GPC5: variants seen among roughly 807,000 people sequenced by gnomAD.
GPC5 encodes the protein glypican-5.
A neutral mutation model predicts 53.9 loss-of-function variants in GPC5; 47 were observed. The observed-to-expected ratio is 0.87, with a 90% CI of 0.69 to 1.11. GPC5 has a LOEUF of 1.11. Among genes scored for constraint, GPC5 ranks in the 50% most tolerant of loss-of-function variants. The probability of loss-of-function intolerance (pLI) is 0.00; values close to 1 mark genes in which losing one functional copy is unlikely to be tolerated. For synonymous variants in GPC5, 286 were observed against 263.3 expected (o/e 1.09, Z -0.84); for missense variants, 748 against 713.1 (o/e 1.05, Z -0.56).
intron 2 of GPC5, among the ~76,000 whole-genome samples, chr13:91,638,589 C>G (rs2034341613): frequency 6.6e-6 from 1 of 152,158 alleles, no homozygotes; most frequent in Admixed American, 6.6e-5. Flanking sequence ...TGGTCTCGAA[C>G]TCCTGACCTC....
chr13:92,619,422 G>A (rs931066705), intron 7 of GPC5, among the ~76,000 whole-genome samples: 7 of 151,802 alleles, frequency 4.6e-5, no homozygotes, highest in South Asian at 2.1e-4. Flanking sequence ...GAAGTAACTC[G>A]CCAATTATTC....
At chr13:92,294,228 C>T (rs2043017872) in intron 7 of GPC5, among the ~76,000 whole-genome samples, 1 of 152,010 alleles carries the variant, frequency 6.6e-6, no homozygotes, top group Non-Finnish European at 1.5e-5. Context: ...GGGAGGGGTC[C>T]CTCTTTCTTT....
intron 1 of GPC5, among the ~76,000 whole-genome samples, chr13:91,430,506 C>A (rs1340023574): frequency 6.6e-6 from 1 of 152,080 alleles, no homozygotes; most frequent in Non-Finnish European, 1.5e-5. Context: ...ATTAAGGATA[C>A]TTTCTCTTCT....
chr13:92,295,877 G>A (rs889387169), intron 7 of GPC5, among the ~76,000 whole-genome samples: 1 of 152,066 alleles, frequency 6.6e-6, no homozygotes, highest in Non-Finnish European at 1.5e-5. Context: ...TCTCTTGAAC[G>A]CAGCAGATGG....
chr13:91,616,060 A>G (rs1566555387), intron 2 of GPC5, among the ~76,000 whole-genome samples: 1 of 152,174 alleles, frequency 6.6e-6, no homozygotes, highest in Non-Finnish European at 1.5e-5. Context: ...GTGAAAACAA[A>G]AAAAAGCATT....
chr13:91,824,858 A>G (rs2038551563), intron 5 of GPC5, among the ~76,000 whole-genome samples: 1 of 152,120 alleles, frequency 6.6e-6, no homozygotes, highest in Non-Finnish European at 1.5e-5. Context: ...ATCTCTATTG[A>G]ACACTTTCTA....
chr13:92,663,397 G>A (rs1207103395), intron 7 of GPC5, among the ~76,000 whole-genome samples: 2 of 151,590 alleles, frequency 1.3e-5, no homozygotes, highest in Non-Finnish European at 2.9e-5. Flanking sequence ...GTGAATTCAA[G>A]ATATTCTCTG....
intron 4 of GPC5, among the ~76,000 whole-genome samples, chr13:91,732,287 A>G (rs984442309): frequency 2.0e-5 from 3 of 151,566 alleles, no homozygotes; most frequent in Admixed American, 1.3e-4. Flanking sequence ...ATGATCAGTG[A>G]TGTTGAGGTT....
At chr13:91,903,119 T>C (rs563606741) in intron 5 of GPC5, among the ~76,000 whole-genome samples, 2 of 152,020 alleles carry the variant, frequency 1.3e-5, no homozygotes, top group African/African-American at 4.8e-5. Flanking sequence ...CACTATCTCA[T>C]AGGGTAGCTC....
chr13:91,595,604 G>T (rs535522703), intron 2 of GPC5, among the ~76,000 whole-genome samples: 1 of 152,044 alleles, frequency 6.6e-6, no homozygotes, highest in Non-Finnish European at 1.5e-5. Context: ...ATTTTCTTCT[G>T]TATTGTATAT....
At chr13:91,944,135 G>T in intron 6 of GPC5, among the ~76,000 whole-genome samples, 1 of 150,582 alleles carries the variant, frequency 6.6e-6, no homozygotes, top group African/African-American at 2.4e-5. Context: ...TGGCTCTGTC[G>T]CCCAGGCTGG....
At chr13:92,848,046 A>G (rs978192764) in intron 7 of GPC5, among the ~76,000 whole-genome samples, 2 of 152,142 alleles carry the variant, frequency 1.3e-5, no homozygotes, top group Non-Finnish European at 1.5e-5. Flanking sequence ...CTGCCGTAGA[A>G]CTGAGAGTCA....
intron 2 of GPC5, among the ~76,000 whole-genome samples, chr13:91,551,405 A>G (rs1044951263): frequency 6.6e-6 from 1 of 152,130 alleles, no homozygotes; most frequent in Non-Finnish European, 1.5e-5. Flanking sequence ...TTTCCCAAGT[A>G]AGGTAAAGAA....
chr13:92,185,543 A>G (rs1036352975), intron 7 of GPC5, among the ~76,000 whole-genome samples: 2 of 152,162 alleles, frequency 1.3e-5, no homozygotes, highest in African/African-American at 4.8e-5. Flanking sequence ...CACAATAAGA[A>G]GAAATGAATT....
At chr13:92,765,617 A>G (rs1051437749) in intron 7 of GPC5, among the ~76,000 whole-genome samples, 18 of 152,214 alleles carry the variant, frequency 1.2e-4, no homozygotes, top group Admixed American at 1.2e-3. Flanking sequence ...CAGGACTAGC[A>G]GCATTACCAT....
intron 7 of GPC5, among the ~76,000 whole-genome samples, chr13:92,285,379 G>A (rs1317558972): frequency 6.6e-6 from 1 of 152,010 alleles, no homozygotes; most frequent in Non-Finnish European, 1.5e-5. Context: ...TCACAGAATT[G>A]GAAAAAACTA....
chr13:92,403,109 T>C lies in GPC5; in HGVS notation c.1561+258120T>C, dbSNP rs188900541. 2.4e-3 allele frequency among the ~76,000 whole-genome samples: 371 copies of C among 152,332 alleles called. 1 individual carries two copies. The highest frequency in any genetic ancestry group is 8.6e-3 in the African/African-American group (359 of 41,578). Reference sequence around the variant, plus strand: ...GTAGAAGTGCTGTGCTATATTCTCATATTCAACTTTGCCTAACGCATTTCT... The same window carrying C: ...GTAGAAGTGCTGTGCTATATTCTCACATTCAACTTTGCCTAACGCATTTCT... On this transcript the variant is annotated intron_variant, in intron 7 of 7. Transcript: ENST00000377067.
chr13:91,458,410 A>T (rs1043228585), intron 2 of GPC5, among the ~76,000 whole-genome samples: 45 of 152,110 alleles, frequency 3.0e-4, no homozygotes, highest in Non-Finnish European at 6.6e-4. Context: ...ACTTGAAAAC[A>T]TTCCCCGCCA....
chr13:91,905,298 T>G, intron 5 of GPC5, among the ~76,000 whole-genome samples: 1 of 151,890 alleles, frequency 6.6e-6, no homozygotes, highest in African/African-American at 2.4e-5. Flanking sequence ...TCTCTCTCTA[T>G]CTCTCTCTAT....
Sources: allele counts gnomAD v4.1 joint callset (sites outside exome capture counted in the v4.1 genomes callset), GRCh38; gene constraint gnomAD v4.1.1; transcripts MANE v1.5; gene names NCBI Gene and HGNC (gene_info 2026-07-23, HGNC 2026-07-21).